DAW1: variants seen among roughly 807,000 people sequenced by gnomAD.
DAW1 encodes the protein dynein assembly factor with WD repeat domains 1.
DAW1 carries 47 observed loss-of-function variants against 56.5 expected under a neutral mutation model. That is an observed-to-expected ratio of 0.83 (90% CI 0.66 to 1.06). The LOEUF is 1.06. Among genes scored for constraint, DAW1 ranks in the 50% least tolerant of loss-of-function variants. The pLI, the probability that DAW1 is intolerant of heterozygous loss-of-function variation, is 0.00. For synonymous variants in DAW1, 190 were observed against 179.0 expected, an observed-to-expected ratio of 1.06 and a Z score of -0.49; for missense variants, 505 against 499.3, an observed-to-expected ratio of 1.01 and a Z score of -0.11.
chr2:227,896,764 TGTG>T (rs1383412966), intron 5 of DAW1, among the ~76,000 whole-genome samples: 1 of 152,008 alleles, frequency 6.6e-6, no homozygotes, highest in Non-Finnish European at 1.5e-5. Flanking sequence ...TCTTCTATAA[TGTG>T]GTGTCATGTG....
intron 1 of DAW1, among the ~76,000 whole-genome samples, chr2:227,872,584 C>T (rs140406080): frequency 6.8e-4 from 104 of 152,234 alleles, no homozygotes; most frequent in African/African-American, 2.4e-3. Context: ...GCTGCTTCCT[C>T]AAACTGTGCC....
chr2:227,912,800 A>G (rs1461358619), intron 10 of DAW1, among the ~76,000 whole-genome samples: 1 of 152,138 alleles, frequency 6.6e-6, no homozygotes, highest in Non-Finnish European at 1.5e-5. Context: ...TAAACATGAT[A>G]ATTGTGGATT....
At chr2:227,913,068 C>T (rs965360249) in intron 10 of DAW1, among the ~76,000 whole-genome samples, 1 of 152,160 alleles carries the variant, frequency 6.6e-6, no homozygotes, top group Non-Finnish European at 1.5e-5. Context: ...CCTTTACAAT[C>T]GCAATCATGT....
intron 1 of DAW1, among the ~76,000 whole-genome samples, chr2:227,877,432 C>T (rs574659922): frequency 6.6e-5 from 10 of 152,346 alleles, no homozygotes; most frequent in South Asian, 4.1e-4. Context: ...GGATTATAGG[C>T]GTGAGCCACT....
chr2:227,915,817 T>G (rs1009604514), intron 10 of DAW1, among the ~76,000 whole-genome samples: 1 of 152,154 alleles, frequency 6.6e-6, no homozygotes. Flanking sequence ...AATGCTACAC[T>G]GTATCTACTT....
Position 227,891,307 on chromosome 2 carries a change from G to T in DAW1, c.311G>T (p.Gly104Val). 6.2e-7 allele frequency: 1 copy of T among 1,613,046 alleles called. No individual in the cohort carries two copies. Among genetic ancestry groups the T allele is most frequent in the Non-Finnish European group, 8.5e-7 (1 of 1,179,544 alleles). Residue 104 changes from glycine to valine, a missense_variant, in exon 4 of 13, where the codon GGC (glycine) becomes GTC (valine). Physicochemically the swap from Gly to Val is moderately radical, Grantham distance 109. Transcript: ENST00000309931. ...PLTNVALNKS[G>V]SCFITGSYDR... ...ACTAATGTTGCACTTAACAAATCGG[G>T]CTCATGGTAAGATTCTCTTTTTATG...
At chr2:227,923,442 G>A (rs1692154282) in intron 12 of DAW1, among the ~76,000 whole-genome samples, 1 of 152,160 alleles carries the variant, frequency 6.6e-6, no homozygotes, top group South Asian at 2.1e-4. Flanking sequence ...TTATATTGAT[G>A]TTATGTGCCT....
intron 1 of DAW1, among the ~76,000 whole-genome samples, chr2:227,877,976 G>A (rs1690924063): frequency 6.6e-6 from 1 of 152,220 alleles, no homozygotes; most frequent in Non-Finnish European, 1.5e-5. Context: ...CATTTGTACA[G>A]CATCCCCACC....
intron 5 of DAW1, among the ~76,000 whole-genome samples, chr2:227,897,768 G>A (rs1273658981): frequency 1.3e-5 from 2 of 152,014 alleles, no homozygotes; most frequent in Non-Finnish European, 2.9e-5. Flanking sequence ...TATTTTTAAT[G>A]GGATTTATCT....
chr2:227,904,614 A>G (rs189343865), intron 7 of DAW1, among the ~76,000 whole-genome samples: 15 of 152,280 alleles, frequency 9.9e-5, no homozygotes, highest in African/African-American at 3.6e-4. Context: ...TAGTTTCCCC[A>G]AATACAACCT....
chr2:227,875,873 A>G (rs1049049140), intron 1 of DAW1, among the ~76,000 whole-genome samples: 2 of 152,238 alleles, frequency 1.3e-5, no homozygotes, highest in Admixed American at 6.5e-5. Context: ...AGCCTGGTGC[A>G]TAAAATGACA....
chr2:227,890,333 T>C (rs1210840966), intron 3 of DAW1, among the ~76,000 whole-genome samples: 1 of 152,236 alleles, frequency 6.6e-6, no homozygotes, highest in Non-Finnish European at 1.5e-5. Flanking sequence ...TTGTGTTTTA[T>C]GACAAATCAA....
chr2:227,913,937 A>T (rs1434593849), intron 10 of DAW1, among the ~76,000 whole-genome samples: 2 of 150,182 alleles, frequency 1.3e-5, no homozygotes, highest in African/African-American at 2.5e-5. Context: ...CTTCATCATC[A>T]TCATCATCAT....
At position 227,921,515 on chromosome 2, in the gene DAW1, A is replaced by G. The variant is rs1692110317; in HGVS notation, c.1167A>G (p.Glu389=). 6.2e-7 allele frequency: 1 copy of G among 1,613,700 alleles called. No homozygotes were observed. Among genetic ancestry groups the G allele is most frequent in the Admixed American group, 1.7e-5 (1 of 59,978 alleles). ...CLQVLEGHTD[E]IFSCAFNYKG... ...AGGTTCTTGAGGGGCACACTGATGA[A>G]ATCTTTTCATGTGCTTTCAACTATA... Residue 389 remains glutamate, a synonymous_variant, in exon 12 of 13, where the codon GAA becomes GAG. Coordinates refer to ENST00000309931, the MANE Select transcript of DAW1 (RefSeq NM_178821.3).
Position 227,893,793 on chromosome 2 carries a change from A to G in DAW1, c.318-2A>G, listed in dbSNP as rs1194805059. On this transcript the variant is annotated splice_acceptor_variant, in intron 4 of 12. Transcript: ENST00000309931. LOFTEE classifies it high-confidence loss of function. ...GCAACGTGTTTATATTCCTTGTGTT[A>G]GCTTTATCACAGGAAGCTATGATCG... is the stretch of plus-strand genomic sequence containing the variant. 2 of 1,609,624 alleles carry G rather than the reference A, an allele frequency of 1.2e-6. No homozygotes were observed. Among genetic ancestry groups the G allele is most frequent in the South Asian group, 2.2e-5 (2 of 90,090 alleles).
intron 6 of DAW1, among the ~76,000 whole-genome samples, chr2:227,900,773 G>T (rs1691522413): frequency 6.6e-6 from 1 of 152,212 alleles, no homozygotes; most frequent in Admixed American, 6.5e-5. Flanking sequence ...GCAGCACACT[G>T]AAGGGAGCTG....
intron 7 of DAW1, among the ~76,000 whole-genome samples, chr2:227,903,680 T>G: frequency 2.8e-5 from 1 of 35,184 alleles, no homozygotes; most frequent in Non-Finnish European, 5.7e-5. Context: ...ACCCTCCCCT[T>G]CCTCCCACCC....
intron 1 of DAW1, among the ~76,000 whole-genome samples, chr2:227,878,460 G>C (rs2106185753): frequency 6.6e-6 from 1 of 152,338 alleles, no homozygotes; most frequent in South Asian, 2.1e-4. Context: ...GGTGGTGCCT[G>C]CCTTTAATCC....
Position 227,921,892 on chromosome 2 carries a change from G to A in DAW1, c.1213+331G>A, listed in dbSNP as rs150123441. 8.6e-3 allele frequency among the ~76,000 whole-genome samples: 1,308 copies of A among 152,310 alleles called. 5 individuals carry two copies. The highest frequency in any genetic ancestry group is 0.015 in the Non-Finnish European group (1,004 of 68,024). The stretch of plus-strand genomic sequence containing the variant: ...ATGGTTAATATTTAGTCAGCCAGGC[G>A]CATTGGCTCATGCCAACAATCTCAG... On this transcript the variant is annotated intron_variant, in intron 12 of 12. Transcript: ENST00000309931.
Sources: gnomAD v4.1 joint callset for allele counts (sites outside exome capture counted in the v4.1 genomes callset) on GRCh38, gnomAD v4.1.1 for gene constraint, MANE v1.5 for transcripts, NCBI Gene and HGNC (gene_info 2026-07-23, HGNC 2026-07-21) for gene names.